Variants in NRXN3 observed in about 807,000 individuals in gnomAD.
NRXN3 encodes the protein neurexin III.
A neutral mutation model predicts 137.6 loss-of-function variants in NRXN3; 32 were observed. That is an observed-to-expected ratio of 0.23 (90% CI 0.18 to 0.31). The LOEUF is 0.31. Ranked by LOEUF, NRXN3 falls within the 10% of genes least tolerant of loss-of-function variation. NRXN3 has a pLI of 1.00. For missense variants in NRXN3, 1,574 were observed against 2,062.5 expected (o/e 0.76, Z 4.59); for synonymous variants, 798 against 784.5 (o/e 1.02, Z -0.29).
chr14:79,476,784 T>C (rs1354246355), intron 16 of NRXN3, among the ~76,000 whole-genome samples: 1 of 152,132 alleles, frequency 6.6e-6, no homozygotes, highest in East Asian at 1.9e-4. Context: ...AATATCCTCA[T>C]TTTATAATTG....
intron 16 of NRXN3, among the ~76,000 whole-genome samples, chr14:79,537,490 C>T (rs1409376697): frequency 3.3e-5 from 5 of 151,934 alleles, no homozygotes; most frequent in Admixed American, 1.3e-4. Context: ...CCTTCCTGTG[C>T]CCATGTGTTC....
chr14:78,983,875 A>G lies in NRXN3; in HGVS notation c.3143-4147A>G, dbSNP rs1205953798. On this transcript the variant is annotated intron_variant, in intron 14 of 20. Coordinates refer to ENST00000335750, the MANE Select transcript of NRXN3 (RefSeq NM_001330195.2). ...CATTTAAAAAAAAAAAAAAAAAAGA[A>G]AAAAAAAGAAAAAAAGGCTGGAAAT... 2.6e-5 allele frequency among the ~76,000 whole-genome samples: 4 copies of G among 151,260 alleles called. No individual in the cohort carries two copies. The East Asian group carries it at 7.7e-4, about 29-fold the overall frequency.
At chr14:79,163,601 AC>A (rs911184183) in intron 15 of NRXN3, among the ~76,000 whole-genome samples, 49 of 151,858 alleles carry the variant, frequency 3.2e-4, no homozygotes, top group Admixed American at 1.2e-3. Flanking sequence ...TACTCTGTTT[AC>A]CCCCATTGTA....
At chr14:79,571,968 A>T (rs1387767652) in intron 16 of NRXN3, among the ~76,000 whole-genome samples, 2 of 152,122 alleles carry the variant, frequency 1.3e-5, no homozygotes, top group Non-Finnish European at 2.9e-5. Flanking sequence ...TGAATGAGAA[A>T]TTTTTTTGTT....
At chr14:79,370,714 C>T (rs2094076464) in intron 15 of NRXN3, among the ~76,000 whole-genome samples, 1 of 152,136 alleles carries the variant, frequency 6.6e-6, no homozygotes, top group South Asian at 2.1e-4. Context: ...TTGGGACTAC[C>T]TCTAACTTTC....
chr14:78,958,854 T>C (rs967641084), intron 11 of NRXN3, among the ~76,000 whole-genome samples: 2 of 152,204 alleles, frequency 1.3e-5, no homozygotes, highest in African/African-American at 4.8e-5. Flanking sequence ...CCTTGTCAAA[T>C]GCAGTCAGTG....
intron 4 of NRXN3, among the ~76,000 whole-genome samples, chr14:78,464,925 C>A (rs963524765): frequency 6.6e-6 from 1 of 152,174 alleles, no homozygotes; most frequent in African/African-American, 2.4e-5. Flanking sequence ...GGTATATTAA[C>A]ATTCACATTC....
At chr14:78,278,922 A>T (rs1261153805) in intron 3 of NRXN3, among the ~76,000 whole-genome samples, 1 of 152,230 alleles carries the variant, frequency 6.6e-6, no homozygotes, top group East Asian at 1.9e-4. Context: ...GATTCAGAAA[A>T]TGAACATTTT....
chr14:78,209,414 A>T (rs141042037), intron 1 of NRXN3, among the ~76,000 whole-genome samples: 2 of 152,214 alleles, frequency 1.3e-5, no homozygotes, highest in Non-Finnish European at 2.9e-5. Context: ...CTCATGTGCT[A>T]TATTAGTCTG....
chr14:78,748,943 C>T (rs1282981335), intron 8 of NRXN3, among the ~76,000 whole-genome samples: 1 of 152,198 alleles, frequency 6.6e-6, no homozygotes, highest in Non-Finnish European at 1.5e-5. Context: ...GTACAGCCTA[C>T]TCACATCACA....
chr14:79,556,504 T>C (rs1030940704), intron 16 of NRXN3, among the ~76,000 whole-genome samples: 2 of 152,170 alleles, frequency 1.3e-5, no homozygotes, highest in Admixed American at 1.3e-4. Context: ...ATTCCTCTTT[T>C]TCCCACTCCC....
chr14:78,764,654 T>A (rs780887276), intron 8 of NRXN3, among the ~76,000 whole-genome samples: 2 of 152,212 alleles, frequency 1.3e-5, no homozygotes, highest in East Asian at 1.9e-4. Flanking sequence ...AAGTGACTAC[T>A]GGCTTAGAAG....
At chr14:79,517,023 A>G (rs1205887214) in intron 16 of NRXN3, among the ~76,000 whole-genome samples, 3 of 151,666 alleles carry the variant, frequency 2.0e-5, no homozygotes, top group Non-Finnish European at 4.4e-5. Flanking sequence ...TAGGAGGTAT[A>G]TGCATTTGTA....
intron 15 of NRXN3, among the ~76,000 whole-genome samples, chr14:79,460,972 A>G (rs940283138): frequency 6.6e-6 from 1 of 152,254 alleles, no homozygotes; most frequent in African/African-American, 2.4e-5. Context: ...CAAAAAATTC[A>G]AAGTAGATAA....
chr14:79,648,512 G>T (rs1341777349), intron 16 of NRXN3, among the ~76,000 whole-genome samples: 1 of 135,766 alleles, frequency 7.4e-6, no homozygotes, highest in Non-Finnish European at 1.7e-5. Flanking sequence ...ACTCGATCCA[G>T]CATAAAGTCT....
At chr14:79,003,226 T>C (rs2099545397) in intron 15 of NRXN3, among the ~76,000 whole-genome samples, 1 of 152,130 alleles carries the variant, frequency 6.6e-6, no homozygotes, top group South Asian at 2.1e-4. Context: ...CTAATTTTGG[T>C]TCTTGCCTGG....
At chr14:78,437,223 TATC>T (rs2094098091) in intron 4 of NRXN3, among the ~76,000 whole-genome samples, 1 of 152,198 alleles carries the variant, frequency 6.6e-6, no homozygotes, top group Admixed American at 6.5e-5. Context: ...AAAGGTAAAG[TATC>T]ATGCTGAAAG....
chr14:78,731,631 C>A (rs79803208), intron 8 of NRXN3, among the ~76,000 whole-genome samples: 1 of 146,848 alleles, frequency 6.8e-6, no homozygotes, highest in African/African-American at 2.5e-5. Flanking sequence ...GTGTGTGTCT[C>A]TGTGTGTGTG....
chr14:78,237,124 G>C (rs945230909), intron 1 of NRXN3, among the ~76,000 whole-genome samples: 2 of 152,216 alleles, frequency 1.3e-5, no homozygotes, highest in African/African-American at 4.8e-5. Flanking sequence ...GGGCAAATGG[G>C]TGTGGAGAGC....
Sources: gnomAD v4.1 joint callset for allele counts (sites outside exome capture counted in the v4.1 genomes callset) on GRCh38, gnomAD v4.1.1 for gene constraint, MANE v1.5 for transcripts, NCBI Gene and HGNC (gene_info 2026-07-23, HGNC 2026-07-21) for gene names.